The following MRPL2 variants were observed in gnomAD, a reference collection of about 807,000 sequenced individuals.
MRPL2 encodes the protein mitochondrial ribosomal protein L2.
MRPL2 carries 27 observed loss-of-function variants against 34.6 expected under a neutral mutation model. The ratio of observed to expected loss-of-function variants is 0.78; its 90% confidence interval spans 0.58 to 1.08. The LOEUF (loss-of-function observed/expected upper bound fraction) is 1.08. Among genes scored for constraint, MRPL2 ranks in the 50% least tolerant of loss-of-function variants. MRPL2 has a pLI of 0.00. For missense variants in MRPL2, 414 were observed against 419.3 expected (o/e 0.99, Z 0.11); for synonymous variants, 155 against 158.0 (o/e 0.98, Z 0.14).
At position 43,054,491 on chromosome 6, in the gene MRPL2, C is replaced by A. The variant is rs777627121; in HGVS notation, c.706-5G>T. The A allele has an allele frequency of 1.1e-5, 17 of 1,612,766 alleles. No homozygotes were observed. Among genetic ancestry groups the A allele is most frequent in the Non-Finnish European group, 1.4e-5 (17 of 1,179,180 alleles). On this transcript the variant is annotated splice_region_variant and splice_polypyrimidine_tract_variant and intron_variant, in intron 6 of 6. Coordinates refer to ENST00000388752, the MANE Select transcript of MRPL2 (RefSeq NM_015950.5). ...TGCTACGCACGTTTCCAGCACCTGACAGAGAAAACAGATGGAGATTCTGTA... is the reference window on the plus strand; with the variant it reads ...TGCTACGCACGTTTCCAGCACCTGAAAGAGAAAACAGATGGAGATTCTGTA...
chr6:43,059,732 A>G (rs114646323), upstream of MRPL2: 1,026 of 1,247,760 alleles, frequency 8.2e-4, 6 homozygotes, highest in African/African-American at 0.015. Context: ...GGTCTCTGCC[A>G]TCTCTTATTC....
intron 5 of MRPL2, 70 bp downstream of exon 5, chr6:43,055,827 G>A: frequency 2.8e-6 from 4 of 1,448,168 alleles, no homozygotes; most frequent in Non-Finnish European, 3.8e-6. Context: ...AGTACCAGAT[G>A]TGGAACCATG....
rs1254989531 is a variant in MRPL2 at position 43,058,047 on chromosome 6, C to T, written c.265+18G>A. On this transcript the variant is annotated intron_variant, in intron 2 of 6. Coordinates refer to ENST00000388752, the MANE Select transcript of MRPL2 (RefSeq NM_015950.5). ...TTTTTCCTTTTGACTGCTTAAATCC[C>T]CCTGTCCTTGTTCCCACCTGTGTGG... is the stretch of plus-strand genomic sequence containing the variant. The T allele has an allele frequency of 3.1e-6, 5 of 1,612,956 alleles. No individual in the cohort carries two copies. Among genetic ancestry groups the T allele is most frequent in the South Asian group, 1.1e-5 (1 of 91,014 alleles).
chr6:43,056,576 G>T, intron 2 of MRPL2, 131 bp from the exon 3 acceptor site: 3 of 1,085,890 alleles, frequency 2.8e-6, no homozygotes, highest in Non-Finnish European at 4.0e-6. Context: ...ATAAAAATTT[G>T]CACAGCACAC....
chr6:43,055,606 A>G lies in MRPL2; in HGVS notation c.644T>C (p.Val215Ala), dbSNP rs1764837784. Residue 215 changes from valine to alanine, a missense_variant, in exon 6 of 7, where the codon GTG (valine) becomes GCG (alanine). Coordinates refer to ENST00000388752, the MANE Select transcript of MRPL2 (RefSeq NM_015950.5). ...TGTGCCATTCACCTTCCGCAGTAGC[A>G]CACCACACGTCCCTGGGGAAAGAAG... ...QYIRAAGTCG[V>A]LLRKVNGTAI... is the part of the protein sequence containing the mutation. The G allele has an allele frequency of 6.2e-7, 1 of 1,613,978 alleles. No individual in the cohort carries two copies. Among genetic ancestry groups the G allele is most frequent in the South Asian group, 1.1e-5 (1 of 91,076 alleles).
At chr6:43,056,263 A>G in intron 3 of MRPL2, 44 bp downstream of exon 3, 8 of 1,613,854 alleles carry the variant, frequency 5.0e-6, no homozygotes, top group African/African-American at 1.3e-5. Flanking sequence ...GAAGCTATGG[A>G]GTTATTCAGA....
In MRPL2 at chr6:43,054,375, C is replaced by T; in HGVS notation, c.817G>A (p.Gly273Arg). Residue 273 changes from glycine (G) to arginine (R), a missense_variant, in exon 7 of 7, where the codon GGG becomes AGG. Gly to Arg is a moderately radical substitution (Grantham distance 125). Coordinates refer to ENST00000388752, the MANE Select transcript of MRPL2 (RefSeq NM_015950.5). ...CAGCCCCCCTTGCGGTGCCACCGCC[C>T]ACTGTTAGGCCTCTTGCCCAGCCAG... ...NRWLGKRPNS[G>R]RWHRKGGWAG... is the part of the protein sequence containing the mutation. 2.5e-6 allele frequency: 4 copies of T among 1,614,192 alleles called. No individual in the cohort carries two copies. Among genetic ancestry groups the T allele is most frequent in the Non-Finnish European group, 3.4e-6 (4 of 1,180,036 alleles).
Position 43,056,767 on chromosome 6 carries a change from C to T in MRPL2, c.266-322G>A, listed in dbSNP as rs555042602. On this transcript the variant is annotated intron_variant, in intron 2 of 6. Coordinates refer to ENST00000388752, the MANE Select transcript of MRPL2 (RefSeq NM_015950.5). ...TCGGCTCACTGCAAGCTCCGCCTCC[C>T]GGGTTCACGCCATTCTCCTGCCTCA... Among the ~76,000 whole-genome samples, 590 of 151,098 alleles carry T rather than the reference C, an allele frequency of 3.9e-3. 4 individuals are homozygous for T. Among genetic ancestry groups the T allele is most frequent in the African/African-American group, 0.014 (558 of 41,162 alleles).
intron 1 of MRPL2, 28 bp from the exon 2 acceptor site, chr6:43,058,261 T>C (rs745507392): frequency 6.2e-7 from 1 of 1,609,762 alleles, no homozygotes; most frequent in Non-Finnish European, 8.5e-7. Context: ...TCTCTTTCAT[T>C]TGAAAGCTAA....
rs1307082815 is a variant in MRPL2 at position 43,055,789 on chromosome 6, G to A, written c.631+108C>T. On this transcript the variant is annotated intron_variant, in intron 5 of 6. Transcript: ENST00000388752. ...AACACATGCATATCTTCATCCTCAT[G>A]TTTGTTTTTTCCTTAATTTTCTCTG... 3.9e-6 allele frequency: 5 copies of A among 1,281,904 alleles called. No individual in the cohort carries two copies. The African/African-American group carries it at 7.5e-5, about 19-fold the overall frequency. 79.4% of individuals were successfully genotyped at this position (1,281,904 alleles called of 1,614,324 possible).
At position 43,056,298 on chromosome 6, in the gene MRPL2, C is replaced by A. The variant is rs1764876958; in HGVS notation, c.404+9G>T. The A allele has an allele frequency of 1.2e-6, 2 of 1,614,170 alleles. No individual in the cohort carries two copies. The highest frequency in any genetic ancestry group is 1.7e-6 in the Non-Finnish European group (2 of 1,180,034). On this transcript the variant is annotated intron_variant, in intron 3 of 6. Transcript: ENST00000388752. ...ACCATTCCATCATCATCCCACATCC[C>A]AAACTTGCCTACAGGGATCATAGCG...
chr6:43,054,896 G>C (rs774106345), intron 6 of MRPL2, among the ~76,000 whole-genome samples: 2 of 152,162 alleles, frequency 1.3e-5, no homozygotes, highest in African/African-American at 2.4e-5. Context: ...TGGCCAACGT[G>C]GTGATACCCT....
chr6:43,054,520 TG>T (rs144803677), intron 6 of MRPL2, 34 bp from the exon 7 acceptor site: 12 of 1,585,838 alleles, frequency 7.6e-6, no homozygotes, highest in African/African-American at 1.3e-5. Flanking sequence ...TTCTGTACAA[TG>T]GGGGGGAAAG....
chr6:43,059,605 A>G, upstream of MRPL2: 1 of 1,403,608 alleles, frequency 7.1e-7, no homozygotes, highest in East Asian at 2.6e-5. Flanking sequence ...GACCCGTCAA[A>G]ACAATTGCCT....
chr6:43,058,697 A>G (rs1410499782), intron 1 of MRPL2, among the ~76,000 whole-genome samples: 1 of 152,214 alleles, frequency 6.6e-6, no homozygotes, highest in Non-Finnish European at 1.5e-5. Flanking sequence ...GCAGCCTGAA[A>G]GCTCCAGAGG....
chr6:43,055,006 T>G (rs1471776393), intron 6 of MRPL2, among the ~76,000 whole-genome samples: 1 of 151,658 alleles, frequency 6.6e-6, no homozygotes, highest in Admixed American at 6.6e-5. Flanking sequence ...ACCCAGGAGT[T>G]TGAGGCTGCA....
chr6:43,057,769 T>C, intron 2 of MRPL2: 1 of 411,810 alleles, frequency 2.4e-6, no homozygotes, highest in Non-Finnish European at 4.3e-6. Context: ...GTGAGCCACC[T>C]TACCCAGCCT....
chr6:43,056,123 C>T lies in MRPL2; in HGVS notation c.478G>A (p.Gly160Arg). 1 of 1,614,216 alleles carries T rather than the reference C, an allele frequency of 6.2e-7. No homozygotes were observed. The highest frequency in any genetic ancestry group is 8.5e-7 in the Non-Finnish European group (1 of 1,180,050). Residue 160 changes from glycine to arginine, a missense_variant, in exon 4 of 7, where the codon GGA (glycine) becomes AGA (arginine). Transcript: ENST00000388752. ...WIIATENMQA[G>R]DTILNSNHIG... ...TGGTTAGAGTTCAAGATTGTATCTC[C>T]AGCCTGCATGTTTTCTGTGGCGATG...
At chr6:43,056,532 A>G in intron 2 of MRPL2, 87 bp from the exon 3 acceptor site, 2 of 1,499,792 alleles carry the variant, frequency 1.3e-6, no homozygotes, top group Admixed American at 3.7e-5. Flanking sequence ...TCTGCCAGAG[A>G]GCAGTGCTTA....
Sources: gnomAD v4.1 joint callset for allele counts (sites outside exome capture counted in the v4.1 genomes callset) on GRCh38, gnomAD v4.1.1 for gene constraint, MANE v1.5 for transcripts, NCBI Gene and HGNC (gene_info 2026-07-23, HGNC 2026-07-21) for gene names.